The following PDS5A variants were observed in gnomAD, a reference collection of about 807,000 sequenced individuals.
The protein encoded by PDS5A is sister chromatid cohesion protein PDS5 homolog A.
PDS5A carries 42 observed loss-of-function variants against 167.1 expected under a neutral mutation model. That is an observed-to-expected ratio of 0.25 (90% confidence interval 0.20 to 0.33). The LOEUF (loss-of-function observed/expected upper bound fraction) is 0.33, where lower values mean the gene tolerates loss of function less well. PDS5A is among the 10% of genes least tolerant of loss of function. The pLI, the probability that PDS5A is intolerant of heterozygous loss-of-function variation, is 1.00. For missense variants in PDS5A, 1,033 were observed against 1,605.9 expected (o/e 0.64, Z 6.10); for synonymous variants, 553 against 554.6 (o/e 1.00, Z 0.04).
At chr4:39,915,400 C>A (rs926707207) in intron 8 of PDS5A, among the ~76,000 whole-genome samples, 12 of 145,802 alleles carry the variant, frequency 8.2e-5, no homozygotes, top group Non-Finnish European at 1.5e-4. Context: ...GGCTCTATCA[C>A]CCAGGCTGGA....
At chr4:39,916,974 T>C in intron 8 of PDS5A, 74 bp downstream of exon 8, 1 of 796,854 alleles carries the variant, frequency 1.3e-6, no homozygotes, top group Non-Finnish European at 1.8e-6. Flanking sequence ...GCATGAAAAT[T>C]GGTCAATTTT....
intron 2 of PDS5A, chr4:39,973,554 T>G: frequency 3.1e-6 from 4 of 1,275,464 alleles, no homozygotes; most frequent in South Asian, 2.4e-5. Context: ...GTGCAAAGGC[T>G]ATGATGGAGG....
chr4:39,872,816 C>T (rs987016224), intron 21 of PDS5A, 170 bp downstream of exon 21: 26 of 394,942 alleles, frequency 6.6e-5, no homozygotes, highest in Non-Finnish European at 1.0e-4. Flanking sequence ...GTAATAGCTA[C>T]CATGAAATAA....
Position 39,930,246 on chromosome 4 carries a change from A to AAAAAAAAAAAAAAT in PDS5A, c.139-2083_139-2082insATTTTTTTTTTTTT. On this transcript the variant is annotated intron_variant, in intron 2 of 32. Transcript: ENST00000303538. The stretch of plus-strand genomic sequence containing the variant: ...AAAAAAAAAAAAAAAAAAAAAAAAA[A>AAAAAAAAAAAAAAT]GTTTTTTTGTTTTTTGTTTTTTTTT... Among the ~76,000 whole-genome samples, 50 of 93,148 alleles carry AAAAAAAAAAAAAAT rather than the reference A, an allele frequency of 5.4e-4. 1 individual carries two copies. Among genetic ancestry groups the AAAAAAAAAAAAAAT allele is most frequent in the Middle Eastern group, 5.7e-3 (1 of 174 alleles). The allele number at this position is 93,148 out of a possible 152,430, so 61.1% of individuals were successfully genotyped here. A position where few individuals can be genotyped will look rare whatever the true frequency, so the allele number is the denominator to read the frequency against.
chr4:39,919,662 C>A (rs1724733677), intron 7 of PDS5A, among the ~76,000 whole-genome samples: 1 of 151,874 alleles, frequency 6.6e-6, no homozygotes. Context: ...ATTTTTTTTT[C>A]ATAAAGTATG....
intron 32 of PDS5A, among the ~76,000 whole-genome samples, chr4:39,831,525 T>C (rs1489850777): frequency 6.6e-6 from 1 of 152,182 alleles, no homozygotes; most frequent in Non-Finnish European, 1.5e-5. Context: ...TATGATAAAA[T>C]ATATATCAAA....
At chr4:39,939,392 A>G (rs973341583) in intron 2 of PDS5A, among the ~76,000 whole-genome samples, 7 of 152,090 alleles carry the variant, frequency 4.6e-5, no homozygotes, top group Non-Finnish European at 8.8e-5. Context: ...GCTTGAACCT[A>G]GGAGGGTGAG....
intron 2 of PDS5A, chr4:39,936,728 C>T (rs146186778): frequency 2.0e-4 from 31 of 152,190 alleles, no homozygotes; most frequent in African/African-American, 7.0e-4. Flanking sequence ...AACCACTGCA[C>T]CTGGCCTGAA....
chr4:39,844,811 A>G lies in PDS5A; in HGVS notation c.3403-10T>C, dbSNP rs759316200. ...CTCCAGCAGGCTTTGGCTAAAAACAAAAACAAAAAACCCCCCAAAAACACA... is the reference window on the plus strand; with the variant it reads ...CTCCAGCAGGCTTTGGCTAAAAACAGAAACAAAAAACCCCCCAAAAACACA... On this transcript the variant is annotated splice_polypyrimidine_tract_variant and intron_variant, in intron 29 of 32. Transcript: ENST00000303538. 1 of 1,589,520 alleles carries G rather than the reference A, an allele frequency of 6.3e-7. No individual in the cohort carries two copies. The highest frequency in any genetic ancestry group is 2.2e-5 in the East Asian group (1 of 44,780).
At chr4:39,842,907 TTTTATA>T (rs1269407065) in intron 30 of PDS5A, among the ~76,000 whole-genome samples, 1 of 28,442 alleles carries the variant, frequency 3.5e-5, no homozygotes, top group African/African-American at 2.6e-4. Context: ...CTTATCCTAT[TTTTATA>T]TATATATATA....
At position 39,840,645 on chromosome 4, in the gene PDS5A, C is replaced by T. The variant is rs552412663; in HGVS notation, c.3657+1303G>A. Among the ~76,000 whole-genome samples, 7 of 152,250 alleles carry T rather than the reference C, an allele frequency of 4.6e-5. No individual in the cohort carries two copies. The South Asian group carries it at 1.2e-3, about 27-fold the overall frequency. On this transcript the variant is annotated intron_variant, in intron 31 of 32. Transcript: ENST00000303538. ...TCCTGACCTCAGGCGATTTGCCTGCCTCGGCCTCCCAACGTGTTGGAATTA... is the reference window on the plus strand; with the variant it reads ...TCCTGACCTCAGGCGATTTGCCTGCTTCGGCCTCCCAACGTGTTGGAATTA...
intron 16 of PDS5A, among the ~76,000 whole-genome samples, chr4:39,892,378 G>A (rs1341790978): frequency 6.6e-6 from 1 of 152,194 alleles, no homozygotes; most frequent in Admixed American, 6.6e-5. Context: ...CAACTGCAAA[G>A]ACGCTATCTT....
At chr4:39,869,031 C>T (rs1040278463) in intron 22 of PDS5A, among the ~76,000 whole-genome samples, 6 of 152,136 alleles carry the variant, frequency 3.9e-5, no homozygotes, top group Non-Finnish European at 7.3e-5. Context: ...ATAAAACAGC[C>T]TCATTAAGAT....
At chr4:39,890,149 C>T in intron 17 of PDS5A, 100 bp downstream of exon 17, 1 of 630,806 alleles carries the variant, frequency 1.6e-6, no homozygotes, top group Non-Finnish European at 2.8e-6. Flanking sequence ...AAGAGACATA[C>T]AGAGGTTTTC....
chr4:39,874,456 A>G, intron 19 of PDS5A, 44 bp from the exon 20 acceptor site: 1 of 1,543,912 alleles, frequency 6.5e-7, no homozygotes, highest in South Asian at 1.1e-5. Context: ...AAACCCATAA[A>G]CCAACAAGTA....
At chr4:39,961,458 G>C (rs762987185) in intron 2 of PDS5A, among the ~76,000 whole-genome samples, 1 of 151,874 alleles carries the variant, frequency 6.6e-6, no homozygotes, top group African/African-American at 2.4e-5. Context: ...ACGGGGTTTC[G>C]CCATGTTGGC....
rs137880259 is a variant in PDS5A, at chr4:39,941,445, T to C, written c.139-13281A>G. ...CATATACATGGACTGCTGGCTAAGA[T>C]TGAGAATGAACAACCTATTTGCCAA... is the stretch of plus-strand genomic sequence containing the variant. On this transcript the variant is annotated intron_variant, in intron 2 of 32. Coordinates refer to ENST00000303538, the MANE Select transcript of PDS5A (RefSeq NM_001100399.2). Among the ~76,000 whole-genome samples, 673 of 152,310 alleles carry C rather than the reference T, an allele frequency of 4.4e-3. 5 individuals are homozygous for C. The highest frequency in any genetic ancestry group is 0.016 in the African/African-American group (649 of 41,564).
intron 12 of PDS5A, 63 bp downstream of exon 12, chr4:39,903,975 AAT>A (rs1383864421): frequency 2.9e-5 from 25 of 861,930 alleles, no homozygotes; most frequent in East Asian, 2.7e-4. Flanking sequence ...TAAAATATTA[AAT>A]AGACATTTTT....
chr4:39,838,103 C>T lies in PDS5A; in HGVS notation c.3763G>A (p.Glu1255Lys), dbSNP rs1228727653. 3 of 1,613,840 alleles carry T rather than the reference C, an allele frequency of 1.9e-6. No individual in the cohort carries two copies. The highest frequency in any genetic ancestry group is 2.5e-6 in the Non-Finnish European group (3 of 1,179,820). The change falls in exon 32 of 33, where the codon GAG (glutamate) becomes AAG (lysine). Residue 1255 changes from glutamate to lysine, a missense_variant. Physicochemically the swap from Glu to Lys is moderately conservative, Grantham distance 56. Coordinates refer to ENST00000303538, the MANE Select transcript of PDS5A (RefSeq NM_001100399.2). ...GGAGGTCCCGATTCATCTACTTTCT[C>T]ATCTGTTTTTTGTTGGATATTCTCT... The part of the protein sequence containing the change: ...GAENIQQKTD[E>K]KVDESGPPAP...
Sources: gnomAD v4.1 joint callset for allele counts (sites outside exome capture counted in the v4.1 genomes callset) on GRCh38, gnomAD v4.1.1 for gene constraint, MANE v1.5 for transcripts, NCBI Gene and HGNC (gene_info 2026-07-23, HGNC 2026-07-21) for gene names.